The following MANBA variants were observed in gnomAD, a reference collection of about 807,000 sequenced individuals.
The protein encoded by MANBA is mannosidase beta.
Under a neutral mutation model 111.1 loss-of-function variants are expected in MANBA, and 83 were observed. The ratio of observed to expected loss-of-function variants is 0.75; its 90% CI spans 0.63 to 0.90. The LOEUF (loss-of-function observed/expected upper bound fraction) is 0.90. Among genes scored for constraint, MANBA ranks in the 40% least tolerant of loss-of-function variants. The pLI is 0.00. For missense variants in MANBA, 1,036 were observed against 1,069.0 expected, an observed-to-expected ratio of 0.97 and a Z score of 0.43; for synonymous variants, 370 against 378.7, an observed-to-expected ratio of 0.98 and a Z score of 0.27.
chr4:102,645,336 T>A (rs894761525), intron 13 of MANBA, among the ~76,000 whole-genome samples: 2 of 152,168 alleles, frequency 1.3e-5, no homozygotes, highest in South Asian at 2.1e-4. Context: ...TCATGAGATA[T>A]GTTTGTCTGG....
At chr4:102,687,046 A>G (rs574307753) in intron 7 of MANBA, among the ~76,000 whole-genome samples, 2 of 152,148 alleles carry the variant, frequency 1.3e-5, no homozygotes, top group African/African-American at 4.8e-5. Flanking sequence ...CCCTTCCCCC[A>G]AACCTTCTCT....
intron 7 of MANBA, 114 bp from the exon 8 acceptor site, chr4:102,674,184 T>C: frequency 1.3e-6 from 1 of 748,164 alleles, no homozygotes; most frequent in South Asian, 1.7e-5. Flanking sequence ...ATGCTAATTT[T>C]CCTATTTACT....
In MANBA at chr4:102,655,022, A is replaced by C. The variant is rs540040407; in HGVS notation, c.1704+2660T>G. On this transcript the variant is annotated intron_variant, in intron 12 of 16. Transcript: ENST00000647097. ...TAGGATTCAAGCGCAATATACAAAA[A>C]TCATCTGTATTTTTATACGTTAGCA... Among the ~76,000 whole-genome samples, 8 of 152,326 alleles carry C rather than the reference A, an allele frequency of 5.3e-5. No homozygotes were observed. The East Asian group carries it at 1.2e-3, about 22-fold the overall frequency.
chr4:102,716,325 A>G (rs1200133665), intron 4 of MANBA, among the ~76,000 whole-genome samples: 1 of 151,360 alleles, frequency 6.6e-6, no homozygotes, highest in African/African-American at 2.4e-5. Flanking sequence ...AAAAAAAAAA[A>G]AAAAAAAAAA....
At chr4:102,755,692 G>A (rs968634719) in intron 1 of MANBA, among the ~76,000 whole-genome samples, 5 of 152,146 alleles carry the variant, frequency 3.3e-5, no homozygotes, top group Admixed American at 1.3e-4. Context: ...GCAACCTACA[G>A]AATAGGAGAA....
chr4:102,646,936 T>C lies in MANBA; in HGVS notation c.1869+3601A>G, dbSNP rs539263334. 6.0e-4 allele frequency among the ~76,000 whole-genome samples: 92 copies of C among 152,180 alleles called. 1 individual carries two copies. The highest frequency in any genetic ancestry group is 2.1e-3 in the African/African-American group (89 of 41,522). ...TGGACAGTTTTCTCAGCGAAGACTTTGCTAACAGTTGCAAATATTCCTTAA... is the reference window on the plus strand; with the variant it reads ...TGGACAGTTTTCTCAGCGAAGACTTCGCTAACAGTTGCAAATATTCCTTAA... On this transcript the variant is annotated intron_variant, in intron 13 of 16. Coordinates refer to ENST00000647097, the MANE Select transcript of MANBA (RefSeq NM_005908.4).
At chr4:102,743,555 G>A (rs1039935459) in intron 1 of MANBA, among the ~76,000 whole-genome samples, 1 of 152,152 alleles carries the variant, frequency 6.6e-6, no homozygotes, top group Non-Finnish European at 1.5e-5. Context: ...ATTAGTGCAG[G>A]CTGGGGGAGA....
At chr4:102,632,724 G>A (rs1192850991) in intron 16 of MANBA, among the ~76,000 whole-genome samples, 2 of 152,226 alleles carry the variant, frequency 1.3e-5, no homozygotes, top group East Asian at 3.8e-4. Flanking sequence ...AAAGTCCACT[G>A]CCAGAAATTT....
intron 9 of MANBA, among the ~76,000 whole-genome samples, chr4:102,669,595 G>C (rs528381240): frequency 1.3e-5 from 2 of 152,234 alleles, no homozygotes; most frequent in African/African-American, 4.8e-5. Flanking sequence ...TGTAATCCCA[G>C]CACTTTGGGA....
chr4:102,688,308 C>T (rs1211794126), intron 7 of MANBA, among the ~76,000 whole-genome samples: 1 of 151,344 alleles, frequency 6.6e-6, no homozygotes, highest in Non-Finnish European at 1.5e-5. Flanking sequence ...CACACACACA[C>T]ACACACACAA....
chr4:102,631,851 A>G lies in MANBA; in HGVS notation c.*206T>C. The G allele has an allele frequency of 1.6e-6, 1 of 634,636 alleles. No homozygotes were observed. The highest frequency in any genetic ancestry group is 2.8e-6 in the Non-Finnish European group (1 of 355,584). The allele number at this position is 634,636 out of a possible 1,614,324, so 39.3% of individuals were successfully genotyped here. ...CACAGATTCCAGGACACCCCGGCACAGGCTTGTTTGAGGACATTGCCTGGG... is the reference window on the plus strand; with the variant it reads ...CACAGATTCCAGGACACCCCGGCACGGGCTTGTTTGAGGACATTGCCTGGG... On this transcript the variant is annotated 3_prime_UTR_variant, in exon 17 of 17. Coordinates refer to ENST00000647097, the MANE Select transcript of MANBA (RefSeq NM_005908.4).
At chr4:102,660,628 T>A (rs190049395) in intron 11 of MANBA, among the ~76,000 whole-genome samples, 6 of 151,848 alleles carry the variant, frequency 4.0e-5, no homozygotes, top group Admixed American at 1.3e-4. Context: ...AAGAATTTTT[T>A]AAATTTTTTT....
chr4:102,722,474 T>A, intron 4 of MANBA: 1 of 249,572 alleles, frequency 4.0e-6, no homozygotes, highest in African/African-American at 2.3e-5. Context: ...GACAGTAAGA[T>A]GCAAGAACAT....
intron 8 of MANBA, among the ~76,000 whole-genome samples, chr4:102,673,014 AT>A (rs148517086): frequency 4.0e-5 from 6 of 151,896 alleles, no homozygotes; most frequent in Admixed American, 2.6e-4. Context: ...AAATAGCACA[AT>A]TTTTTTAACC....
intron 4 of MANBA, among the ~76,000 whole-genome samples, chr4:102,715,251 T>G (rs1442331066): frequency 1.3e-5 from 2 of 152,098 alleles, no homozygotes; most frequent in African/African-American, 4.8e-5. Context: ...GGGGCAGCTC[T>G]GCGGAGAGAC....
At chr4:102,720,163 A>AGTAGGCGG (rs1226184651) in intron 4 of MANBA, among the ~76,000 whole-genome samples, 1 of 152,222 alleles carries the variant, frequency 6.6e-6, no homozygotes, top group Non-Finnish European at 1.5e-5. Context: ...AAGCCAGCAC[A>AGTAGGCGG]GTAGCTCACG....
At chr4:102,702,069 T>C (rs1260345407) in intron 5 of MANBA, among the ~76,000 whole-genome samples, 1 of 152,040 alleles carries the variant, frequency 6.6e-6, no homozygotes, top group Non-Finnish European at 1.5e-5. Flanking sequence ...CTTTTTATTC[T>C]TTTTTCTCTA....
chr4:102,760,897 T>G lies in MANBA; in HGVS notation c.-3A>C. The G allele has an allele frequency of 1.3e-6, 2 of 1,505,630 alleles. No individual in the cohort carries two copies. Among genetic ancestry groups the G allele is most frequent in the South Asian group, 2.4e-5 (2 of 82,172 alleles). The allele number at this position is 1,505,630 out of a possible 1,614,324, so 93.3% of individuals were successfully genotyped here. ...AGCAGGAGCAGGTGGAGGCGCATCT[T>G]GAGATCCCGCGCCACCGAGATGTGG... On this transcript the variant is annotated 5_prime_UTR_variant, in exon 1 of 17. Transcript: ENST00000647097.
In MANBA at chr4:102,698,677, C is replaced by T. The variant is rs187892258; in HGVS notation, c.674-7906G>A. Among the ~76,000 whole-genome samples, 408 of 152,036 alleles carry T rather than the reference C, an allele frequency of 2.7e-3. 6 individuals are homozygous for T. Among genetic ancestry groups the T allele is most frequent in the Non-Finnish European group, 1.1e-3 (78 of 68,014 alleles). ...AGATCAGATAGTTGTAGATATACAGCGTTATTTCTGAGGGCTCTATTCTGT... is the reference window on the plus strand; with the variant it reads ...AGATCAGATAGTTGTAGATATACAGTGTTATTTCTGAGGGCTCTATTCTGT... On this transcript the variant is annotated intron_variant, in intron 5 of 16. Transcript: ENST00000647097.
Sources: allele counts gnomAD v4.1 joint callset (sites outside exome capture counted in the v4.1 genomes callset), GRCh38; gene constraint gnomAD v4.1.1; transcripts MANE v1.5; gene names NCBI Gene and HGNC (gene_info 2026-07-23, HGNC 2026-07-21).